The following TBC1D22A variants were observed in gnomAD, a reference collection of about 807,000 sequenced individuals.
TBC1D22A encodes TBC1 domain family member 22A.
In TBC1D22A, 38 loss-of-function variants were observed where a neutral mutation model predicts 60.2. That is an observed-to-expected ratio of 0.63 (90% CI 0.49 to 0.83). The LOEUF is 0.83. Among genes scored for constraint, TBC1D22A ranks in the 40% least tolerant of loss-of-function variants. TBC1D22A has a pLI of 0.00. For missense variants in TBC1D22A, 628 were observed against 701.0 expected (o/e 0.90, Z 1.18); for synonymous variants, 302 against 281.7 (o/e 1.07, Z -0.72).
At chr22:46,783,075 G>A (rs1569025060) in intron 1 of TBC1D22A, among the ~76,000 whole-genome samples, 3 of 152,198 alleles carry the variant, frequency 2.0e-5, no homozygotes, top group Non-Finnish European at 4.4e-5. Flanking sequence ...CGCTAGCAGT[G>A]TGTGAGGTCC....
At chr22:47,143,370 G>C (rs2067176311) in intron 12 of TBC1D22A, among the ~76,000 whole-genome samples, 1 of 152,202 alleles carries the variant, frequency 6.6e-6, no homozygotes. Context: ...ACAAAGAAAA[G>C]GTGTCCCAAT....
At chr22:47,036,620 G>A (rs1186123830) in intron 10 of TBC1D22A, among the ~76,000 whole-genome samples, 9 of 152,188 alleles carry the variant, frequency 5.9e-5, no homozygotes, top group Non-Finnish European at 1.0e-4. Flanking sequence ...TCCAGGCATA[G>A]GTGGAGCATT....
chr22:47,037,356 G>A lies in TBC1D22A; in HGVS notation c.1329+158G>A, dbSNP rs545405548. ...TTAAAAAGTATACTCCTGGCCGGGCGCGGTGGCTCATGCCTGTAATCCTAG... is the reference window on the plus strand; with the variant it reads ...TTAAAAAGTATACTCCTGGCCGGGCACGGTGGCTCATGCCTGTAATCCTAG... On this transcript the variant is annotated intron_variant, in intron 11 of 12. Coordinates refer to ENST00000337137, the MANE Select transcript of TBC1D22A (RefSeq NM_014346.5). Among the ~76,000 whole-genome samples, 41 of 152,058 alleles carry A rather than the reference G, an allele frequency of 2.7e-4. 1 individual carries two copies. Among genetic ancestry groups the A allele is most frequent in the Non-Finnish European group, 5.0e-4 (34 of 68,024 alleles).
chr22:46,958,227 CA>C (rs2073313683), intron 8 of TBC1D22A, among the ~76,000 whole-genome samples: 1 of 152,288 alleles, frequency 6.6e-6, no homozygotes, highest in South Asian at 2.1e-4. Context: ...TTCGTAGAAC[CA>C]GGGAGGTTTA....
At chr22:47,001,531 A>G (rs1273648611) in intron 10 of TBC1D22A, among the ~76,000 whole-genome samples, 1 of 151,478 alleles carries the variant, frequency 6.6e-6, no homozygotes, top group African/African-American at 2.4e-5. Context: ...GTTTCTGTCA[A>G]TCACCCTGTG....
At chr22:47,067,076 G>T (rs2063799217) in intron 11 of TBC1D22A, among the ~76,000 whole-genome samples, 1 of 152,174 alleles carries the variant, frequency 6.6e-6, no homozygotes, top group African/African-American at 2.4e-5. Flanking sequence ...GACCACCCTG[G>T]CCAACATGGT....
intron 4 of TBC1D22A, among the ~76,000 whole-genome samples, chr22:46,818,176 A>G (rs1296200861): frequency 6.6e-6 from 1 of 152,090 alleles, no homozygotes; most frequent in East Asian, 1.9e-4. Context: ...AGATTGCAAA[A>G]ATTTTCTCCC....
chr22:47,072,564 T>TAGCACCCCTGCC (rs1020440909), intron 11 of TBC1D22A, among the ~76,000 whole-genome samples: 1 of 152,192 alleles, frequency 6.6e-6, no homozygotes, highest in Non-Finnish European at 1.5e-5. Flanking sequence ...ACACCCCTGT[T>TAGCACCCCTGCC]AGCACCCCTG....
At chr22:47,111,895 C>A (rs1322504774) in intron 12 of TBC1D22A, among the ~76,000 whole-genome samples, 1 of 152,228 alleles carries the variant, frequency 6.6e-6, no homozygotes, top group Non-Finnish European at 1.5e-5. Flanking sequence ...AGCAGCACGA[C>A]CCCTGCAGTG....
At chr22:47,124,448 A>G (rs1405788016) in intron 12 of TBC1D22A, among the ~76,000 whole-genome samples, 1 of 152,202 alleles carries the variant, frequency 6.6e-6, no homozygotes, top group East Asian at 1.9e-4. Flanking sequence ...CTAGGGGCGC[A>G]TGTCCTGGGA....
intron 11 of TBC1D22A, among the ~76,000 whole-genome samples, chr22:47,049,217 A>G (rs913396806): frequency 6.6e-6 from 1 of 152,210 alleles, no homozygotes; most frequent in Non-Finnish European, 1.5e-5. Flanking sequence ...TCCTGGGCCA[A>G]CCTTCGGCTT....
At chr22:47,164,164 G>A (rs1005428510) in intron 12 of TBC1D22A, among the ~76,000 whole-genome samples, 4 of 152,208 alleles carry the variant, frequency 2.6e-5, no homozygotes, top group African/African-American at 7.2e-5. Flanking sequence ...GTGAAGCTGC[G>A]TGTCACAGAG....
chr22:47,052,318 C>G (rs2063252278), intron 11 of TBC1D22A, among the ~76,000 whole-genome samples: 1 of 152,214 alleles, frequency 6.6e-6, no homozygotes, highest in Non-Finnish European at 1.5e-5. Context: ...GCCATGCGGC[C>G]TGTGTGGCCT....
intron 12 of TBC1D22A, among the ~76,000 whole-genome samples, chr22:47,127,375 G>T (rs1287922680): frequency 1.4e-5 from 2 of 148,140 alleles, no homozygotes; most frequent in Admixed American, 6.8e-5. Context: ...TTACAGGTGT[G>T]TGCTACCACG....
chr22:46,966,415 C>A (rs2073807607), intron 8 of TBC1D22A, among the ~76,000 whole-genome samples: 1 of 152,214 alleles, frequency 6.6e-6, no homozygotes, highest in Admixed American at 6.5e-5. Context: ...CTCTTCCAGG[C>A]ACTAACATGT....
intron 1 of TBC1D22A, among the ~76,000 whole-genome samples, chr22:46,768,504 A>C (rs2083374619): frequency 6.6e-6 from 1 of 151,478 alleles, no homozygotes; most frequent in Non-Finnish European, 1.5e-5. Context: ...AAAAAAAAAA[A>C]AAAAATAGAA....
intron 11 of TBC1D22A, among the ~76,000 whole-genome samples, chr22:47,082,956 A>G (rs1239223010): frequency 6.6e-6 from 1 of 152,254 alleles, no homozygotes; most frequent in African/African-American, 2.4e-5. Context: ...AACAATGCAA[A>G]TATATGTCAG....
Position 47,173,731 on chromosome 22 carries a change from T to G in TBC1D22A, c.*105T>G. On this transcript the variant is annotated 3_prime_UTR_variant, in exon 13 of 13. Transcript: ENST00000337137. ...CTGGTCCCGGGCTGCTAAAAGGCCT[T>G]GTGAGGTGGCCCCACCCTCCAGGGG... 1 of 1,545,562 alleles carries G rather than the reference T, an allele frequency of 6.5e-7. No individual in the cohort carries two copies. The highest frequency in any genetic ancestry group is 8.8e-7 in the Non-Finnish European group (1 of 1,137,858).
At chr22:46,961,528 T>A (rs1400709514) in intron 8 of TBC1D22A, among the ~76,000 whole-genome samples, 1 of 152,232 alleles carries the variant, frequency 6.6e-6, no homozygotes, top group Non-Finnish European at 1.5e-5. Context: ...CAGCAAATGT[T>A]CATGTGGTTT....
Sources: allele counts gnomAD v4.1 joint callset (sites outside exome capture counted in the v4.1 genomes callset), GRCh38; gene constraint gnomAD v4.1.1; transcripts MANE v1.5; gene names NCBI Gene and HGNC (gene_info 2026-07-23, HGNC 2026-07-21).